Variants in PPP2R5E observed in about 807,000 individuals in gnomAD.
PPP2R5E encodes the protein serine/threonine-protein phosphatase 2A 56 kDa regulatory subunit epsilon isoform.
Under a neutral mutation model 65.3 loss-of-function variants are expected in PPP2R5E, and 4 were observed. That is an observed-to-expected ratio of 0.06 (90% CI 0.03 to 0.14). The LOEUF (loss-of-function observed/expected upper bound fraction) is 0.14. Ranked by LOEUF, PPP2R5E falls within the 10% of genes least tolerant of loss-of-function variation. The probability of loss-of-function intolerance (pLI) is 1.00; values close to 1 mark genes in which losing one functional copy is unlikely to be tolerated. For missense variants in PPP2R5E, 274 were observed against 556.1 expected, an observed-to-expected ratio of 0.49 and a Z score of 5.10; for synonymous variants, 183 against 187.4, an observed-to-expected ratio of 0.98 and a Z score of 0.19.
chr14:63,519,303 G>T (rs984459499), intron 2 of PPP2R5E, among the ~76,000 whole-genome samples: 13 of 152,132 alleles, frequency 8.5e-5, no homozygotes, highest in African/African-American at 3.1e-4. Context: ...TATATATTCT[G>T]TGGTTGTATA....
chr14:63,426,009 T>C (rs1887314204), intron 3 of PPP2R5E, among the ~76,000 whole-genome samples: 1 of 152,234 alleles, frequency 6.6e-6, no homozygotes, highest in African/African-American at 2.4e-5. Context: ...TCATGCTTTA[T>C]TTAGTTTACT....
chr14:63,393,343 A>G (rs1885131913), intron 8 of PPP2R5E, among the ~76,000 whole-genome samples: 1 of 152,220 alleles, frequency 6.6e-6, no homozygotes, highest in African/African-American at 2.4e-5. Context: ...TCTACTGTGC[A>G]TAGAAAAAAA....
At chr14:63,487,521 A>C (rs1891055008) in intron 2 of PPP2R5E, among the ~76,000 whole-genome samples, 1 of 152,214 alleles carries the variant, frequency 6.6e-6, no homozygotes. Flanking sequence ...GATGGGGTCA[A>C]TGCCAACGAT....
intron 5 of PPP2R5E, 136 bp from the exon 6 acceptor site, chr14:63,396,852 G>A: frequency 5.9e-6 from 6 of 1,023,496 alleles, no homozygotes; most frequent in Non-Finnish European, 8.4e-6. Context: ...CACAGTGCTA[G>A]TCTTTGGGCA....
intron 2 of PPP2R5E, among the ~76,000 whole-genome samples, chr14:63,487,911 AC>A (rs1457135553): frequency 6.6e-6 from 1 of 152,064 alleles, no homozygotes; most frequent in African/African-American, 2.4e-5. Context: ...GGTTTTAGTA[AC>A]TTCCTCTTCT....
intron 2 of PPP2R5E, among the ~76,000 whole-genome samples, chr14:63,465,907 G>A (rs561511124): frequency 1.3e-5 from 2 of 152,082 alleles, no homozygotes; most frequent in Admixed American, 1.3e-4. Flanking sequence ...CAAGAAAAAA[G>A]ATTATTTTTT....
intron 2 of PPP2R5E, among the ~76,000 whole-genome samples, chr14:63,511,597 T>A (rs1344020089): frequency 6.6e-6 from 1 of 152,094 alleles, no homozygotes; most frequent in Non-Finnish European, 1.5e-5. Flanking sequence ...ATCCCCCAAA[T>A]CGAATGCAAG....
intron 4 of PPP2R5E, among the ~76,000 whole-genome samples, chr14:63,418,224 C>T (rs1886808099): frequency 6.6e-6 from 1 of 152,130 alleles, no homozygotes; most frequent in Non-Finnish European, 1.5e-5. Flanking sequence ...GAATGTCAGC[C>T]TTATTCAAAT....
chr14:63,461,831 A>C (rs189014399), intron 2 of PPP2R5E, among the ~76,000 whole-genome samples: 3 of 138,898 alleles, frequency 2.2e-5, no homozygotes, highest in Admixed American at 2.0e-4. Context: ...GAGGGTTAGC[A>C]ATTACCCCTC....
At chr14:63,525,174 CTCT>C (rs1184354678) in intron 2 of PPP2R5E, among the ~76,000 whole-genome samples, 6 of 152,244 alleles carry the variant, frequency 3.9e-5, no homozygotes, top group African/African-American at 1.4e-4. Flanking sequence ...CAACAGACAT[CTCT>C]TCTTAACTGA....
At chr14:63,420,648 A>C (rs1293338170) in intron 4 of PPP2R5E, among the ~76,000 whole-genome samples, 2 of 152,230 alleles carry the variant, frequency 1.3e-5, no homozygotes, top group Non-Finnish European at 2.9e-5. Flanking sequence ...TTGTCAAAGC[A>C]GGACAGACAG....
chr14:63,519,616 A>G (rs1892806543), intron 2 of PPP2R5E, among the ~76,000 whole-genome samples: 1 of 150,490 alleles, frequency 6.6e-6, no homozygotes, highest in African/African-American at 2.5e-5. Flanking sequence ...GGCCTCTCAA[A>G]GTGCTGGGAT....
At chr14:63,419,705 T>G (rs975647127) in intron 4 of PPP2R5E, among the ~76,000 whole-genome samples, 5 of 152,096 alleles carry the variant, frequency 3.3e-5, no homozygotes, top group South Asian at 2.1e-4. Context: ...TTACGAATTT[T>G]AAAAGGTTCC....
In PPP2R5E at chr14:63,376,065, A is replaced by G. The variant is rs746085198; in HGVS notation, c.1348T>C (p.Leu450=). Residue 450 remains leucine, a synonymous_variant, in exon 14 of 14, where the codon TTG becomes CTG. Coordinates refer to ENST00000337537, the MANE Select transcript of PPP2R5E (RefSeq NM_006246.5). ...EKEREELWKK[L]EDLELKRGLR... Reference sequence around the variant, plus strand: ...CCTCTCTTTAACTCCAGATCCTCCAATTTTTTCCACAATTCTTCACGCTCC... The same window carrying G: ...CCTCTCTTTAACTCCAGATCCTCCAGTTTTTTCCACAATTCTTCACGCTCC... The G allele has an allele frequency of 4.3e-6, 7 of 1,610,034 alleles. No homozygotes were observed. Among genetic ancestry groups the G allele is most frequent in the Non-Finnish European group, 5.1e-6 (6 of 1,176,592 alleles).
rs973834974 is a variant in PPP2R5E, at chr14:63,396,615, G to T, written c.651C>A (p.Ile217=). 2.5e-6 allele frequency: 4 copies of T among 1,613,062 alleles called. No homozygotes were observed. The African/African-American group carries it at 5.3e-5, about 22-fold the overall frequency. The stretch of plus-strand genomic sequence containing the variant: ...GAAAAATATTGTTAATCTGTTTTCG[G>T]ATAAATGCTCTAAGACCAAGAAACT... ...YGKFLGLRAF[I]RKQINNIFLR... is the part of the protein sequence containing the mutation. The change falls in exon 6 of 14, where the codon ATC becomes ATA. Residue 217 remains isoleucine, a synonymous_variant. Transcript: ENST00000337537.
intron 2 of PPP2R5E, among the ~76,000 whole-genome samples, chr14:63,460,795 G>T: frequency 6.6e-6 from 1 of 152,266 alleles, no homozygotes; most frequent in Non-Finnish European, 1.5e-5. Flanking sequence ...AACTAGTATG[G>T]CTTCAAGCAG....
chr14:63,411,818 A>T (rs1886406785), intron 5 of PPP2R5E, among the ~76,000 whole-genome samples: 1 of 152,136 alleles, frequency 6.6e-6, no homozygotes, highest in Non-Finnish European at 1.5e-5. Context: ...TGCTTCGTGT[A>T]CAGTCCGAAG....
At chr14:63,386,920 T>C (rs7148631) in intron 11 of PPP2R5E, among the ~76,000 whole-genome samples, 21,748 of 143,458 alleles carry the variant, frequency 0.15, 2,273 homozygotes, top group East Asian at 0.48. Context: ...CAAGACTCCA[T>C]CTCAAAAAAA....
At chr14:63,387,213 G>A (rs904472264) in intron 11 of PPP2R5E, among the ~76,000 whole-genome samples, 11 of 152,070 alleles carry the variant, frequency 7.2e-5, no homozygotes, top group African/African-American at 2.2e-4. Context: ...GCATCCTCCC[G>A]TGGTCTCTTT....
Sources: gnomAD v4.1 joint callset for allele counts (sites outside exome capture counted in the v4.1 genomes callset) on GRCh38, gnomAD v4.1.1 for gene constraint, MANE v1.5 for transcripts, NCBI Gene and HGNC (gene_info 2026-07-23, HGNC 2026-07-21) for gene names.